STK3: variants seen among roughly 807,000 people sequenced by gnomAD.
STK3 encodes serine/threonine-protein kinase 3.
STK3 carries 41 observed loss-of-function variants against 58.0 expected under a neutral mutation model. That is an observed-to-expected ratio of 0.71 (90% CI 0.55 to 0.92). The LOEUF is 0.92. Ranked by LOEUF, STK3 falls within the 40% of genes least tolerant of loss-of-function variation. The probability of loss-of-function intolerance (pLI) is 0.00; values close to 1 mark genes in which losing one functional copy is unlikely to be tolerated. For synonymous variants in STK3, 170 were observed against 191.0 expected, an observed-to-expected ratio of 0.89 and a Z score of 0.91; for missense variants, 479 against 602.7, an observed-to-expected ratio of 0.79 and a Z score of 2.15.
At chr8:98,761,239 C>T (rs1476095481) in intron 3 of STK3, among the ~76,000 whole-genome samples, 1 of 151,838 alleles carries the variant, frequency 6.6e-6, no homozygotes, top group South Asian at 2.1e-4. Context: ...TCCTCCCAAC[C>T]TCAGCCTCCC....
At chr8:98,688,028 A>G (rs933895181) in intron 6 of STK3, among the ~76,000 whole-genome samples, 3 of 152,210 alleles carry the variant, frequency 2.0e-5, no homozygotes, top group African/African-American at 4.8e-5. Flanking sequence ...CTTATCTGCA[A>G]AAGAACCATC....
chr8:98,774,761 C>A lies in STK3; in HGVS notation c.85G>T (p.Val29Leu). The change falls in exon 2 of 11, where the codon GTA becomes TTA. Residue 29 changes from valine (V) to leucine (L), a missense_variant. Physicochemically the swap from Val to Leu is conservative, Grantham distance 32. Coordinates refer to ENST00000419617, the MANE Select transcript of STK3 (RefSeq NM_006281.4). ...LTKQPEEVFD[V>L]LEKLGEGSYG... ...TACCCTTCTCCAAGCTTCTCTAATA[C>A]ATCAAAAACTTCTTCAGGCTGCTTA... The A allele has an allele frequency of 6.3e-7, 1 of 1,588,368 alleles. No homozygotes were observed. Among genetic ancestry groups the A allele is most frequent in the African/African-American group, 1.3e-5 (1 of 74,094 alleles).
At chr8:98,884,675 C>A (rs564356893) in intron 1 of STK3, among the ~76,000 whole-genome samples, 1 of 152,050 alleles carries the variant, frequency 6.6e-6, no homozygotes, top group Non-Finnish European at 1.5e-5. Context: ...GGTCATTATA[C>A]GATTTAATAA....
chr8:98,614,731 G>T (rs868736509), intron 6 of STK3, among the ~76,000 whole-genome samples: 1 of 152,152 alleles, frequency 6.6e-6, no homozygotes, highest in Non-Finnish European at 1.5e-5. Context: ...ACTCTCACCC[G>T]AATACTGCGC....
At chr8:98,548,239 A>G (rs1810883027) in intron 8 of STK3, 78 bp from the exon 9 acceptor site, 2 of 1,162,088 alleles carry the variant, frequency 1.7e-6, no homozygotes, top group Non-Finnish European at 2.3e-6. Flanking sequence ...GAGAATGAAT[A>G]TATTATAGTT....
intron 7 of STK3, among the ~76,000 whole-genome samples, chr8:98,581,400 T>C (rs1279298746): frequency 1.3e-5 from 2 of 152,156 alleles, no homozygotes; most frequent in Admixed American, 6.5e-5. Flanking sequence ...TGGTCTTCAC[T>C]GGCACTCCCC....
intron 7 of STK3, among the ~76,000 whole-genome samples, chr8:98,583,990 G>A (rs1225023203): frequency 6.6e-6 from 1 of 152,028 alleles, no homozygotes; most frequent in Non-Finnish European, 1.5e-5. Flanking sequence ...CCTTCTCTCT[G>A]TAGGGTTTCA....
chr8:98,390,608 T>A (rs889241923), upstream of STK3, among the ~76,000 whole-genome samples: 4 of 151,998 alleles, frequency 2.6e-5, no homozygotes, highest in African/African-American at 7.2e-5. Flanking sequence ...TTCTTCAAGT[T>A]TTTTTTTGTT....
intron 1 of STK3, among the ~76,000 whole-genome samples, chr8:98,794,257 C>A (rs1374356035): frequency 6.6e-6 from 1 of 151,890 alleles, no homozygotes; most frequent in Non-Finnish European, 1.5e-5. Context: ...AAAAACAAGA[C>A]CGACAGACTG....
chr8:98,396,472 G>A (rs1345602346), downstream of STK3, among the ~76,000 whole-genome samples: 4 of 152,160 alleles, frequency 2.6e-5, no homozygotes, highest in East Asian at 1.9e-4. Flanking sequence ...GGTGGTTGAC[G>A]CCATGGCTTG....
intron 3 of STK3, chr8:98,427,894 A>G (rs1298011898): frequency 5.0e-6 from 6 of 1,209,582 alleles, no homozygotes; most frequent in Non-Finnish European, 6.8e-6. Flanking sequence ...GGGCCCCGCC[A>G]GGGCGCACGG....
At chr8:98,755,965 C>T (rs1812804229) in intron 3 of STK3, among the ~76,000 whole-genome samples, 1 of 152,008 alleles carries the variant, frequency 6.6e-6, no homozygotes, top group South Asian at 2.1e-4. Context: ...CATGGTGAAA[C>T]CCTGTCTCTA....
chr8:98,656,627 A>C (rs909658582), intron 6 of STK3, among the ~76,000 whole-genome samples: 1 of 151,942 alleles, frequency 6.6e-6, no homozygotes, highest in African/African-American at 2.4e-5. Flanking sequence ...GATATTCTTT[A>C]ATTTATGCAG....
At chr8:98,722,805 TG>T in intron 4 of STK3, 1 of 405,014 alleles carries the variant, frequency 2.5e-6, no homozygotes. Context: ...TATTTCAAAA[TG>T]GTCAGATTTA....
intron 1 of STK3, among the ~76,000 whole-genome samples, chr8:98,908,283 T>A (rs772815926): frequency 1.1e-4 from 16 of 152,376 alleles, no homozygotes; most frequent in Non-Finnish European, 2.1e-4. Context: ...TAAGGTGCAG[T>A]CTTCAGGAAA....
chr8:98,881,818 T>C (rs1837805034), downstream of STK3: 1 of 152,218 alleles, frequency 6.6e-6, no homozygotes, highest in Non-Finnish European at 1.5e-5. Flanking sequence ...GCTAGCATTT[T>C]ATTTCTTATT....
intron 9 of STK3, among the ~76,000 whole-genome samples, chr8:98,546,598 CAG>C (rs1332861027): frequency 2.0e-5 from 3 of 152,156 alleles, no homozygotes; most frequent in African/African-American, 7.2e-5. Context: ...TGTTTTACCA[CAG>C]AGTCTTTGTG....
chr8:98,876,162 C>T lies in STK3; in HGVS notation c.110+7485G>A, dbSNP rs116739564. 5.5e-3 allele frequency among the ~76,000 whole-genome samples: 834 copies of T among 152,310 alleles called. 8 individuals carry two copies. The highest frequency in any genetic ancestry group is 0.019 in the African/African-American group (804 of 41,574). On this transcript the variant is annotated intron_variant, in intron 3 of 12. Coordinates refer to the STK3 transcript ENST00000523601. Reference sequence around the variant, plus strand: ...GTACAACATGGGAGCAGCTGTTCCACTTAGCCCCCTTCAGCCTTTGGGGTC... The same window carrying T: ...GTACAACATGGGAGCAGCTGTTCCATTTAGCCCCCTTCAGCCTTTGGGGTC...
At chr8:98,825,430 C>G (rs2131756486) in intron 1 of STK3, 85 bp downstream of exon 1, 1 of 1,257,800 alleles carries the variant, frequency 8.0e-7, no homozygotes, top group Non-Finnish European at 1.0e-6. Flanking sequence ...CGGGGAGAGG[C>G]TCGCAGCAGG....
Sources: gnomAD v4.1 joint callset for allele counts (sites outside exome capture counted in the v4.1 genomes callset) on GRCh38, gnomAD v4.1.1 for gene constraint, MANE v1.5 for transcripts, NCBI Gene and HGNC (gene_info 2026-07-23, HGNC 2026-07-21) for gene names.